ZNF516: variants seen among roughly 807,000 people sequenced by gnomAD.
ZNF516 encodes zinc finger protein 516.
A neutral mutation model predicts 79.7 loss-of-function variants in ZNF516; 19 were observed. That is an observed-to-expected ratio of 0.24 (90% CI 0.17 to 0.35). The LOEUF is 0.35. Among genes scored for constraint, ZNF516 ranks in the 10% least tolerant of loss-of-function variants. The pLI is 1.00. For missense variants in ZNF516, 1,678 were observed against 1,679.5 expected (o/e 1.00, Z 0.02); for synonymous variants, 877 against 739.5 (o/e 1.19, Z -3.02).
At chr18:76,408,364 G>A (rs536669295) in intron 3 of ZNF516, among the ~76,000 whole-genome samples, 4 of 152,326 alleles carry the variant, frequency 2.6e-5, no homozygotes, top group South Asian at 4.1e-4. Context: ...GGGCTGCGGC[G>A]TGCGTCTCTC....
intron 3 of ZNF516, among the ~76,000 whole-genome samples, chr18:76,391,011 G>C (rs1163163300): frequency 1.3e-5 from 2 of 152,106 alleles, no homozygotes; most frequent in Admixed American, 6.5e-5. Context: ...ATTGACACTG[G>C]CAGGTGTTCC....
At chr18:76,496,215 G>C (rs1028920924), upstream of ZNF516, 5 of 1,225,186 alleles carry the variant, frequency 4.1e-6, no homozygotes, top group East Asian at 1.2e-4. Flanking sequence ...GCCCCTTCAC[G>C]GCCGGTGACG....
Position 76,451,013 on chromosome 18 carries a change from C to T in ZNF516, c.-157-7802G>A, listed in dbSNP as rs1016083350. On this transcript the variant is annotated intron_variant, in intron 2 of 6. Coordinates refer to ENST00000443185, the MANE Select transcript of ZNF516 (RefSeq NM_014643.4). The surrounding 1 kb of genome is among the most constrained non-coding windows in gnomAD (Gnocchi z 6.0). ...TAGAGTCATTTCCTCAACAATCGAA[C>T]GCTTAAAGTTGCGGAAACCAAGCAA... Among the ~76,000 whole-genome samples the T allele has an allele frequency of 5.9e-5, 9 of 152,098 alleles. No individual in the cohort carries two copies. The highest frequency in any genetic ancestry group is 3.3e-4 in the Admixed American group (5 of 15,272).
chr18:76,379,204 G>T lies in ZNF516; in HGVS notation c.2910C>A (p.Ala970=). The T allele has an allele frequency of 6.2e-7, 1 of 1,612,860 alleles. No homozygotes were observed. Among genetic ancestry groups the T allele is most frequent in the Non-Finnish European group, 8.5e-7 (1 of 1,179,748 alleles). Residue 970 remains alanine, a synonymous_variant, in exon 4 of 7, where the codon GCC becomes GCA. Coordinates refer to ENST00000443185, the MANE Select transcript of ZNF516 (RefSeq NM_014643.4). ...AGFAPTNKHS[A]PDSLKAKFSA... ...TGAATTTGGCTTTCAGGGAGTCCGG[G>T]GCACTGTGCTTATTTGTGGGGGCAA...
At chr18:76,367,164 C>T (rs972399199) in intron 6 of ZNF516, among the ~76,000 whole-genome samples, 1 of 152,206 alleles carries the variant, frequency 6.6e-6, no homozygotes, top group African/African-American at 2.4e-5. Flanking sequence ...GGGCCAGCTG[C>T]CTGAAGCCAG....
intron 1 of ZNF516, chr18:76,490,878 C>T (rs1915139292): frequency 1.0e-6 from 1 of 985,404 alleles, no homozygotes; most frequent in Non-Finnish European, 1.2e-6. Flanking sequence ...CGCCCACGGG[C>T]ACATCTGGGC....
intron 3 of ZNF516, among the ~76,000 whole-genome samples, chr18:76,422,006 C>G (rs960347504): frequency 6.6e-6 from 1 of 152,122 alleles, no homozygotes; most frequent in Non-Finnish European, 1.5e-5. Flanking sequence ...AAATAATGCA[C>G]CAGACTACCA....
chr18:76,395,656 T>TC (rs1455240750), intron 3 of ZNF516, among the ~76,000 whole-genome samples: 1 of 151,602 alleles, frequency 6.6e-6, no homozygotes, highest in Non-Finnish European at 1.5e-5. Context: ...AGAGCTACAG[T>TC]CACTGGAGTC....
At chr18:76,427,948 T>C (rs1041159360) in intron 3 of ZNF516, among the ~76,000 whole-genome samples, 2 of 152,212 alleles carry the variant, frequency 1.3e-5, no homozygotes, top group African/African-American at 4.8e-5. Context: ...TTAGAAAATT[T>C]ATAATACTAA....
In ZNF516 at chr18:76,417,070, C is replaced by T. The variant is rs138756571; in HGVS notation, c.1810+24175G>A. On this transcript the variant is annotated intron_variant, in intron 3 of 6. Coordinates refer to ENST00000443185, the MANE Select transcript of ZNF516 (RefSeq NM_014643.4). ...AAATAAACAGATTTTCACAATGCTTCTCAGCTTGCAACCATTTGATGGTTG... is the reference window on the plus strand; with the variant it reads ...AAATAAACAGATTTTCACAATGCTTTTCAGCTTGCAACCATTTGATGGTTG... Among the ~76,000 whole-genome samples the T allele has an allele frequency of 2.0e-3, 305 of 152,342 alleles. 2 individuals carry two copies. The highest frequency in any genetic ancestry group is 3.4e-3 in the Middle Eastern group (1 of 294).
chr18:76,402,434 T>G (rs149711771), intron 3 of ZNF516, among the ~76,000 whole-genome samples: 95 of 151,900 alleles, frequency 6.3e-4, no homozygotes, highest in African/African-American at 2.2e-3. Flanking sequence ...GCTACAGGCG[T>G]CCCACAGCTG....
At chr18:76,365,697 G>C (rs895568629) in intron 6 of ZNF516, among the ~76,000 whole-genome samples, 1 of 152,216 alleles carries the variant, frequency 6.6e-6, no homozygotes, top group Middle Eastern at 3.2e-3. Flanking sequence ...CCAAAACACA[G>C]TAAAAGCACC....
In ZNF516 at chr18:76,441,236, C is replaced by T. The variant is rs537632730; in HGVS notation, c.1810+9G>A. 8 of 1,607,344 alleles carry T rather than the reference C, an allele frequency of 5.0e-6. No individual in the cohort carries two copies. The Admixed American group carries it at 5.1e-5, about 10-fold the overall frequency. ...CCAGGACCCAGGCCACCTGGGTACA[C>T]TTGCTCACCTGGTGCAGGTTCAGGG... On this transcript the variant is annotated intron_variant, in intron 3 of 6. Transcript: ENST00000443185.
chr18:76,412,496 C>A (rs1183511584), intron 3 of ZNF516, among the ~76,000 whole-genome samples: 2 of 152,246 alleles, frequency 1.3e-5, no homozygotes, highest in Admixed American at 6.5e-5. Context: ...CGACGGGAGC[C>A]CACACACTCT....
chr18:76,495,644 A>C, upstream of ZNF516: 1 of 955,308 alleles, frequency 1.0e-6, no homozygotes, highest in Non-Finnish European at 1.4e-6. Context: ...AGGCTGCTGC[A>C]GCCCCGGCTC....
rs766405735 is a variant in ZNF516 at position 76,441,708 on chromosome 18, G to A, written c.1347C>T (p.Phe449=). ...GGACGTACTCGCGCCTGTCCTTGTCGAAGGCCACGTCCCCGGCCAGCGCCT... is the reference window on the plus strand; with the variant it reads ...GGACGTACTCGCGCCTGTCCTTGTCAAAGGCCACGTCCCCGGCCAGCGCCT... ...WDEALAGDVA[F]DKDRREYVLV... The change falls in exon 3 of 7, where the codon TTC becomes TTT. Residue 449 remains phenylalanine (F), a synonymous_variant. Transcript: ENST00000443185. 21 of 1,571,432 alleles carry A rather than the reference G, an allele frequency of 1.3e-5. No homozygotes were observed. Among genetic ancestry groups the A allele is most frequent in the Non-Finnish European group, 1.5e-5 (17 of 1,162,266 alleles).
intron 3 of ZNF516, among the ~76,000 whole-genome samples, chr18:76,421,620 G>A (rs1731063450): frequency 1.3e-5 from 2 of 152,188 alleles, no homozygotes; most frequent in Non-Finnish European, 2.9e-5. Flanking sequence ...CTAAGTTCCT[G>A]GAGTCTTTTC....
Position 76,359,433 on chromosome 18 carries a change from G to A in ZNF516, c.*3065C>T, listed in dbSNP as rs1364390281. On this transcript the variant is annotated 3_prime_UTR_variant, in exon 7 of 7. Transcript: ENST00000443185. The stretch of plus-strand genomic sequence containing the variant: ...TTCCCAGAGAAGATCCTCAATATCT[G>A]ACTTTTGAGAGAATTTAAATATTCA... 2 of 152,168 alleles carry A rather than the reference G, an allele frequency of 1.3e-5. No individual in the cohort carries two copies. Among genetic ancestry groups the A allele is most frequent in the Non-Finnish European group, 2.9e-5 (2 of 68,032 alleles). 9.4% of individuals were successfully genotyped at this position (152,168 alleles called of 1,614,324 possible).
intron 6 of ZNF516, among the ~76,000 whole-genome samples, chr18:76,369,049 C>T (rs572508715): frequency 1.3e-5 from 2 of 152,336 alleles, no homozygotes. Flanking sequence ...TAAGCAGGAA[C>T]ACTTGGCACT....
Sources: allele counts gnomAD v4.1 joint callset (sites outside exome capture counted in the v4.1 genomes callset), GRCh38; gene constraint gnomAD v4.1.1; non-coding constraint Gnocchi (gnomAD v3.1); transcripts MANE v1.5; gene names NCBI Gene and HGNC (gene_info 2026-07-23, HGNC 2026-07-21).